Variants in CSMD1 observed in about 807,000 individuals in gnomAD.
CSMD1 encodes the protein CUB and sushi domain-containing protein 1.
In CSMD1, 213 loss-of-function variants were observed where a neutral mutation model predicts 417.5. The ratio of observed to expected loss-of-function variants is 0.51; its 90% CI spans 0.46 to 0.57. The LOEUF (loss-of-function observed/expected upper bound fraction) is 0.57. Ranked by LOEUF, CSMD1 falls within the 20% of genes least tolerant of loss-of-function variation. CSMD1 has a pLI of 0.00. For synonymous variants in CSMD1, 2,862 were observed against 1,736.8 expected, an observed-to-expected ratio of 1.65 and a Z score of -16.11; for missense variants, 6,923 against 4,529.7, an observed-to-expected ratio of 1.53 and a Z score of -15.17.
rs570645651 is a variant in CSMD1 at position 4,989,814 on chromosome 8, G to A, written c.85+4518C>T. Among the ~76,000 whole-genome samples, 11 of 152,284 alleles carry A rather than the reference G, an allele frequency of 7.2e-5. No homozygotes were observed. The South Asian group carries it at 2.1e-3, about 29-fold the overall frequency. On this transcript the variant is annotated intron_variant, in intron 1 of 69. Transcript: ENST00000635120. ...TGCTGTATCGTCTGCTTATAAGCAC[G>A]AACCAGCCACCGAGCTTTGTTTATC... is the stretch of plus-strand genomic sequence containing the variant.
chr8:3,853,954 T>C (rs896942248), intron 5 of CSMD1, among the ~76,000 whole-genome samples: 4 of 146,684 alleles, frequency 2.7e-5, no homozygotes, highest in African/African-American at 9.9e-5. Context: ...AATATATTAA[T>C]ATATTAAATA....
At chr8:4,908,724 A>ATATT (rs1805467494) in intron 1 of CSMD1, among the ~76,000 whole-genome samples, 1 of 39,068 alleles carries the variant, frequency 2.6e-5, no homozygotes, top group African/African-American at 1.1e-4. Context: ...TTCTGTCACC[A>ATATT]TGTTATTTTC....
chr8:2,998,158 G>T lies in CSMD1; in HGVS notation c.8230C>A (p.Pro2744Thr). Reference sequence around the variant, plus strand: ...CTGCCATTAGTGAATCCGTGGGCAGGGTTTCCAGGGTGACCACATGTGATG... The same window carrying T: ...CTGCCATTAGTGAATCCGTGGGCAGTGTTTCCAGGGTGACCACATGTGATG... ...VPITCGHPGNPAHGFTNGSEF... is the reference protein window; with the variant it reads ...VPITCGHPGNTAHGFTNGSEF... The change falls in exon 54 of 70, where the codon CCT (proline) becomes ACT (threonine). Residue 2744 changes from proline to threonine, a missense_variant. Physicochemically the swap from Pro to Thr is conservative, Grantham distance 38 (BLOSUM62 -1). Coordinates refer to ENST00000635120, the MANE Select transcript of CSMD1 (RefSeq NM_033225.6). 4 of 1,613,982 alleles carry T rather than the reference G, an allele frequency of 2.5e-6. No individual in the cohort carries two copies. Among genetic ancestry groups the T allele is most frequent in the Non-Finnish European group, 2.5e-6 (3 of 1,179,874 alleles).
chr8:3,886,427 C>A (rs563280349), intron 5 of CSMD1, among the ~76,000 whole-genome samples: 3 of 152,260 alleles, frequency 2.0e-5, no homozygotes, highest in Non-Finnish European at 2.9e-5. Context: ...AGAATGTAAT[C>A]GATTTAACAT....
At chr8:4,652,126 A>C (rs1263526020) in intron 1 of CSMD1, among the ~76,000 whole-genome samples, 1 of 152,212 alleles carries the variant, frequency 6.6e-6, no homozygotes, top group Non-Finnish European at 1.5e-5. Flanking sequence ...AAAGGAGATT[A>C]GGAGAGGCAG....
chr8:3,500,106 C>G (rs1434128265), intron 10 of CSMD1, among the ~76,000 whole-genome samples: 1 of 152,108 alleles, frequency 6.6e-6, no homozygotes, highest in Non-Finnish European at 1.5e-5. Context: ...TTTTTTGGCA[C>G]TGAACGGATC....
intron 1 of CSMD1, among the ~76,000 whole-genome samples, chr8:4,904,104 G>A (rs563692278): frequency 2.6e-5 from 4 of 152,200 alleles, no homozygotes; most frequent in Admixed American, 6.5e-5. Flanking sequence ...GGATAGGCTC[G>A]AATTCCAATG....
chr8:4,151,775 T>A (rs1308738066), intron 3 of CSMD1, among the ~76,000 whole-genome samples: 1 of 152,226 alleles, frequency 6.6e-6, no homozygotes, highest in Non-Finnish European at 1.5e-5. Flanking sequence ...CCACATTTCT[T>A]CTGCAAATGC....
intron 15 of CSMD1, among the ~76,000 whole-genome samples, chr8:3,399,748 T>C (rs1445139671): frequency 6.6e-6 from 1 of 152,236 alleles, no homozygotes; most frequent in Admixed American, 6.5e-5. Flanking sequence ...CAAAGTTCTT[T>C]TTCTCTAGTA....
chr8:3,809,623 C>T (rs1382770003), intron 5 of CSMD1, among the ~76,000 whole-genome samples: 2 of 152,134 alleles, frequency 1.3e-5, no homozygotes, highest in East Asian at 3.9e-4. Context: ...TTCAGTCTGT[C>T]TCTGGTGGCG....
At chr8:3,582,632 C>T (rs906036885) in intron 9 of CSMD1, among the ~76,000 whole-genome samples, 10 of 152,246 alleles carry the variant, frequency 6.6e-5, no homozygotes, top group African/African-American at 1.9e-4. Context: ...TGAAATGCAG[C>T]TGGTCTGAGA....
intron 7 of CSMD1, among the ~76,000 whole-genome samples, chr8:3,669,411 C>T (rs1469402805): frequency 6.6e-6 from 1 of 152,058 alleles, no homozygotes; most frequent in Admixed American, 6.6e-5. Flanking sequence ...TCTAGGGGTT[C>T]GTGTTTACAC....
At chr8:3,840,204 C>T (rs951691588) in intron 5 of CSMD1, among the ~76,000 whole-genome samples, 6 of 152,030 alleles carry the variant, frequency 3.9e-5, no homozygotes, top group Non-Finnish European at 7.4e-5. Flanking sequence ...TAACTAAATG[C>T]TTCTGTATGT....
chr8:3,460,657 G>C (rs1816442470), intron 12 of CSMD1, among the ~76,000 whole-genome samples: 1 of 152,140 alleles, frequency 6.6e-6, no homozygotes, highest in Non-Finnish European at 1.5e-5. Context: ...AGACGGAACT[G>C]ACCGAAATTC....
intron 1 of CSMD1, among the ~76,000 whole-genome samples, chr8:4,675,073 T>A (rs1032459899): frequency 1.3e-5 from 2 of 152,204 alleles, no homozygotes; most frequent in Non-Finnish European, 2.9e-5. Flanking sequence ...CTGCGAGGAA[T>A]AAATTCTTGT....
intron 1 of CSMD1, among the ~76,000 whole-genome samples, chr8:4,663,437 C>A (rs1327449719): frequency 6.6e-6 from 1 of 152,108 alleles, no homozygotes; most frequent in African/African-American, 2.4e-5. Flanking sequence ...ATCTCATGTC[C>A]AGTAGTAACC....
At chr8:3,052,744 T>G in intron 49 of CSMD1, 97 bp from the exon 50 acceptor site, 1 of 842,054 alleles carries the variant, frequency 1.2e-6, no homozygotes, top group Non-Finnish European at 1.7e-6. Context: ...TTGACTCCAT[T>G]TTTCATTAAA....
At chr8:4,750,978 G>T (rs1218949232) in intron 1 of CSMD1, among the ~76,000 whole-genome samples, 2 of 152,184 alleles carry the variant, frequency 1.3e-5, no homozygotes, top group East Asian at 1.9e-4. Flanking sequence ...TTTAAGGGAA[G>T]GCTTTAACCT....
chr8:4,138,309 T>G lies in CSMD1; in HGVS notation c.416-106210A>C, dbSNP rs947745038. Among the ~76,000 whole-genome samples, 19 of 151,266 alleles carry G rather than the reference T, an allele frequency of 1.3e-4. 1 individual carries two copies. The East Asian group carries it at 3.7e-3, about 30-fold the overall frequency. On this transcript the variant is annotated intron_variant, in intron 3 of 69. Transcript: ENST00000635120. ...AGATGCAGGTTTCAGAATCATACAC[T>G]TCAGAGTTGAGATTTACACATTTGA...
Sources: gnomAD v4.1 joint callset for allele counts (sites outside exome capture counted in the v4.1 genomes callset) on GRCh38, gnomAD v4.1.1 for gene constraint, MANE v1.5 for transcripts, NCBI Gene and HGNC (gene_info 2026-07-23, HGNC 2026-07-21) for gene names.